CAMKMT: variants seen among roughly 807,000 people sequenced by gnomAD.
CAMKMT encodes the protein CaM KMT.
CAMKMT carries 53 observed loss-of-function variants against 48.0 expected under a neutral mutation model. That is an observed-to-expected ratio of 1.10 (90% CI 0.89 to 1.39). CAMKMT has a LOEUF of 1.39. CAMKMT is among the 40% of genes most tolerant of loss of function. The pLI, the probability that CAMKMT is intolerant of heterozygous loss-of-function variation, is 0.00. For missense variants in CAMKMT, 428 were observed against 402.7 expected (o/e 1.06, Z -0.54); for synonymous variants, 165 against 152.3 (o/e 1.08, Z -0.61).
chr2:44,497,858 G>A lies in CAMKMT; in HGVS notation c.376+107553G>A, dbSNP rs538227234. On this transcript the variant is annotated intron_variant, in intron 3 of 10. Transcript: ENST00000378494. ...GCAATTCAGACACCTGCCGGGCATC[G>A]GGGCAGGGTGAAGTCTTCTTACCAG... Among the ~76,000 whole-genome samples, 223 of 152,136 alleles carry A rather than the reference G, an allele frequency of 1.5e-3. 1 individual carries two copies. Among genetic ancestry groups the A allele is most frequent in the South Asian group, 2.5e-3 (12 of 4,812 alleles).
chr2:44,704,337 T>G lies in CAMKMT; in HGVS notation c.431T>G (p.Ile144Arg). Reference sequence around the variant, plus strand: ...TACTACTGCCTCAAGCACAATAATATATTCAGGTACAGAGCTGCACTTAAG... The same window carrying G: ...TACTACTGCCTCAAGCACAATAATAGATTCAGGTACAGAGCTGCACTTAAG... ...LAYYCLKHNN[I>R]FRALAVCELG... Residue 144 changes from isoleucine to arginine, a missense_variant, in exon 4 of 11, where the codon ATA becomes AGA. Ile to Arg is a moderately conservative substitution (Grantham distance 97). Coordinates refer to ENST00000378494, the MANE Select transcript of CAMKMT (RefSeq NM_024766.5). 6.2e-7 allele frequency: 1 copy of G among 1,607,840 alleles called. No individual in the cohort carries two copies. Among genetic ancestry groups the G allele is most frequent in the Non-Finnish European group, 8.5e-7 (1 of 1,176,412 alleles).
intron 3 of CAMKMT, among the ~76,000 whole-genome samples, chr2:44,633,354 T>C (rs1672946843): frequency 6.6e-6 from 1 of 152,220 alleles, no homozygotes; most frequent in Non-Finnish European, 1.5e-5. Context: ...CCTTTGAATA[T>C]ATTTCTGTGC....
intron 3 of CAMKMT, among the ~76,000 whole-genome samples, chr2:44,591,312 G>A (rs1233331697): frequency 1.3e-5 from 2 of 152,136 alleles, no homozygotes; most frequent in East Asian, 3.8e-4. Flanking sequence ...TAGCTTGATG[G>A]GGTTGGCATT....
At chr2:44,710,580 C>G (rs1486022203) in intron 6 of CAMKMT, among the ~76,000 whole-genome samples, 2 of 151,748 alleles carry the variant, frequency 1.3e-5, no homozygotes, top group African/African-American at 4.8e-5. Flanking sequence ...GTCCAGTTCT[C>G]AAATTTATTC....
chr2:44,701,597 G>A (rs961792312), intron 3 of CAMKMT, among the ~76,000 whole-genome samples: 1 of 152,080 alleles, frequency 6.6e-6, no homozygotes, highest in South Asian at 2.1e-4. Context: ...GGGAAAAGAT[G>A]GGTTGTCATA....
chr2:44,623,774 A>G (rs1672326401), intron 3 of CAMKMT, among the ~76,000 whole-genome samples: 1 of 152,146 alleles, frequency 6.6e-6, no homozygotes, highest in African/African-American at 2.4e-5. Flanking sequence ...TTACTCTGAA[A>G]ATTCCCACAT....
chr2:44,455,767 A>G (rs963970715), intron 3 of CAMKMT, among the ~76,000 whole-genome samples: 3 of 150,990 alleles, frequency 2.0e-5, no homozygotes, highest in Non-Finnish European at 4.4e-5. Flanking sequence ...TAAAATTCTT[A>G]AAAAGCTATT....
intron 9 of CAMKMT, among the ~76,000 whole-genome samples, chr2:44,758,884 G>T (rs1680493307): frequency 6.6e-6 from 1 of 152,194 alleles, no homozygotes; most frequent in Non-Finnish European, 1.5e-5. Context: ...ATGACTTTGG[G>T]TACAGGGAGG....
At chr2:44,521,410 C>T (rs1044535806) in intron 3 of CAMKMT, among the ~76,000 whole-genome samples, 4 of 152,064 alleles carry the variant, frequency 2.6e-5, no homozygotes, top group Admixed American at 6.5e-5. Flanking sequence ...TCCCGAGTAG[C>T]TGGGACTGCA....
intron 3 of CAMKMT, among the ~76,000 whole-genome samples, chr2:44,635,828 G>A (rs1039232217): frequency 2.6e-5 from 4 of 152,124 alleles, no homozygotes; most frequent in Admixed American, 6.6e-5. Flanking sequence ...CAAGACTAAC[G>A]AAGTGACTTA....
chr2:44,419,772 A>G (rs1683804173), intron 3 of CAMKMT, among the ~76,000 whole-genome samples: 2 of 152,198 alleles, frequency 1.3e-5, no homozygotes, highest in Non-Finnish European at 2.9e-5. Context: ...TAGGAGGATC[A>G]CTTGAGCCCA....
At chr2:44,696,777 C>A (rs1416693248) in intron 3 of CAMKMT, among the ~76,000 whole-genome samples, 1 of 150,978 alleles carries the variant, frequency 6.6e-6, no homozygotes, top group Non-Finnish European at 1.5e-5. Context: ...CAGAAAAAAA[C>A]AACTTGAAAA....
At chr2:44,423,050 A>T (rs1373417287) in intron 3 of CAMKMT, among the ~76,000 whole-genome samples, 1 of 152,156 alleles carries the variant, frequency 6.6e-6, no homozygotes. Flanking sequence ...TATCACAAAC[A>T]ATTATTTTTT....
rs574737143 is a variant in CAMKMT at position 44,506,146 on chromosome 2, C to T, written c.376+115841C>T. Among the ~76,000 whole-genome samples the T allele has an allele frequency of 5.2e-4, 79 of 152,078 alleles. 1 individual carries two copies. The highest frequency in any genetic ancestry group is 1.0e-3 in the Admixed American group (16 of 15,258). On this transcript the variant is annotated intron_variant, in intron 3 of 10. Coordinates refer to ENST00000378494, the MANE Select transcript of CAMKMT (RefSeq NM_024766.5). ...TGCTAGCATTACAGGCATGAGCCACCGCATCCTGTGAAACTAAAAGTTTAA... is the reference window on the plus strand; with the variant it reads ...TGCTAGCATTACAGGCATGAGCCACTGCATCCTGTGAAACTAAAAGTTTAA...
chr2:44,691,989 T>G (rs1275828480), intron 3 of CAMKMT, among the ~76,000 whole-genome samples: 1 of 152,140 alleles, frequency 6.6e-6, no homozygotes, highest in Admixed American at 6.5e-5. Flanking sequence ...TTGTACAGAG[T>G]GAGTCTGCTA....
chr2:44,643,826 A>G (rs1435385774), intron 3 of CAMKMT, among the ~76,000 whole-genome samples: 2 of 152,212 alleles, frequency 1.3e-5, no homozygotes, highest in Non-Finnish European at 2.9e-5. Flanking sequence ...TGCTGGTATC[A>G]TACCTGAGAT....
intron 3 of CAMKMT, among the ~76,000 whole-genome samples, chr2:44,506,814 C>T (rs1670284552): frequency 6.6e-6 from 1 of 152,090 alleles, no homozygotes; most frequent in Non-Finnish European, 1.5e-5. Flanking sequence ...TGCTTTTTGT[C>T]ATATTTCAAA....
intron 3 of CAMKMT, among the ~76,000 whole-genome samples, chr2:44,537,102 G>T (rs12616191): frequency 2.0e-5 from 3 of 152,086 alleles, no homozygotes; most frequent in African/African-American, 7.2e-5. Context: ...CACTGGTCTA[G>T]GCAAAGATTT....
At chr2:44,362,286 C>A (rs1677960763) in intron 1 of CAMKMT, 141 bp downstream of exon 1, 1 of 696,758 alleles carries the variant, frequency 1.4e-6, no homozygotes, top group Non-Finnish European at 2.2e-6. Flanking sequence ...TGCGAAGCTC[C>A]CCCTCGCTTC....
Sources: allele counts gnomAD v4.1 joint callset (sites outside exome capture counted in the v4.1 genomes callset), GRCh38; gene constraint gnomAD v4.1.1; transcripts MANE v1.5; gene names NCBI Gene and HGNC (gene_info 2026-07-23, HGNC 2026-07-21).